STK25: variants seen among roughly 807,000 people sequenced by gnomAD.
STK25 encodes the protein serine/threonine kinase 25.
In STK25, 29 loss-of-function variants were observed where a neutral mutation model predicts 53.8. The ratio of observed to expected loss-of-function variants is 0.54; its 90% CI spans 0.40 to 0.74. STK25 has a LOEUF of 0.74. Among genes scored for constraint, STK25 ranks in the 30% least tolerant of loss-of-function variants. The pLI is 0.00. For synonymous variants in STK25, 247 were observed against 238.3 expected (o/e 1.04, Z -0.33); for missense variants, 420 against 568.0 (o/e 0.74, Z 2.65).
At chr2:241,500,046 T>C (rs1288412672) in intron 5 of STK25, 127 bp downstream of exon 5, 5 of 764,258 alleles carry the variant, frequency 6.5e-6, no homozygotes, top group South Asian at 1.4e-5. Flanking sequence ...AGTTTCAGGG[T>C]GGCCACAAGG....
In STK25 at chr2:241,492,784, A is replaced by C; in HGVS notation, c.*2878T>G. 1 of 590,908 alleles carries C rather than the reference A, an allele frequency of 1.7e-6. No individual in the cohort carries two copies. The highest frequency in any genetic ancestry group is 3.0e-6 in the Non-Finnish European group (1 of 329,270). The allele number at this position is 590,908 out of a possible 1,614,324, so 36.6% of individuals were successfully genotyped here. On this transcript the variant is annotated 3_prime_UTR_variant, in exon 12 of 12. Coordinates refer to ENST00000316586, the MANE Select transcript of STK25 (RefSeq NM_001271977.2). ...CTTCTGTTGGACTTAAGTACTGATA[A>C]AGCTGCTGTTCATAGCAGTCCAGAG...
Position 241,496,621 on chromosome 2 carries a change from A to T in STK25, c.1105-87T>A, listed in dbSNP as rs1046335209. The T allele has an allele frequency of 1.4e-5, 20 of 1,480,162 alleles. No individual in the cohort carries two copies. The highest frequency in any genetic ancestry group is 1.8e-5 in the Non-Finnish European group (20 of 1,092,348). The allele number at this position is 1,480,162 out of a possible 1,614,324, so 91.7% of individuals were successfully genotyped here. ...CTTTGCTCGGCCACAGTGATGCCGG[A>T]GGCCTTCAGGGCTCTCGCCTAGGAG... On this transcript the variant is annotated intron_variant, in intron 10 of 11. Coordinates refer to ENST00000316586, the MANE Select transcript of STK25 (RefSeq NM_001271977.2). The surrounding 1 kb of genome is among the most constrained non-coding windows in gnomAD (Gnocchi z 5.8).
chr2:241,493,213 C>CGTT lies in STK25; in HGVS notation c.*2446_*2448dup. On this transcript the variant is annotated 3_prime_UTR_variant, in exon 12 of 12. Transcript: ENST00000316586. ...GCCCGTGGGCATTTGTACGTGCCACCGTTGTGCAGGTAGCAGAGGAATGGG... is the reference window on the plus strand; with the variant it reads ...GCCCGTGGGCATTTGTACGTGCCACCGTTGTTGTGCAGGTAGCAGAGGAATGGG... 1 of 1,495,406 alleles carries CGTT rather than the reference C, an allele frequency of 6.7e-7. No individual in the cohort carries two copies. The highest frequency in any genetic ancestry group is 2.3e-5 in the East Asian group (1 of 43,996). The allele number at this position is 1,495,406 out of a possible 1,614,324, so 92.6% of individuals were successfully genotyped here.
At chr2:241,503,821 CAAG>C (rs2065656808) in intron 2 of STK25, among the ~76,000 whole-genome samples, 2 of 152,238 alleles carry the variant, frequency 1.3e-5, no homozygotes, top group South Asian at 2.1e-4. Context: ...CCGTGCCCAC[CAAG>C]AAGGATGGGG....
In STK25 at chr2:241,493,597, GT is replaced by G. The variant is rs11320829; in HGVS notation, c.*2064del. ...CATTTCCAAAAAACAGCAATGCTTT[GT>G]TTTTTTTTTTTTTGGAGATGGCGTC... On this transcript the variant is annotated 3_prime_UTR_variant, in exon 12 of 12. Coordinates refer to ENST00000316586, the MANE Select transcript of STK25 (RefSeq NM_001271977.2). 0.27 allele frequency: 147,498 copies of G among 552,292 alleles called. 6,239 individuals carry two copies. Among genetic ancestry groups the G allele is most frequent in the Admixed American group, 0.41 (13,034 of 31,420 alleles). The allele number at this position is 552,292 out of a possible 1,614,324, so 34.2% of individuals were successfully genotyped here.
intron 5 of STK25, chr2:241,499,672 A>G: frequency 3.5e-6 from 2 of 565,082 alleles, no homozygotes; most frequent in South Asian, 4.2e-5. Context: ...TCCCAACGAC[A>G]AGCGACTTCG....
rs1235840097 is a variant in STK25, at chr2:241,508,458, T to C, written c.-116A>G. The C allele has an allele frequency of 1.9e-6, 2 of 1,075,984 alleles. No homozygotes were observed. Among genetic ancestry groups the C allele is most frequent in the Admixed American group, 5.0e-5 (1 of 20,074 alleles). The allele number at this position is 1,075,984 out of a possible 1,614,324, so 66.7% of individuals were successfully genotyped here. Reference sequence around the variant, plus strand: ...GCGCGCCCACCTCCGCGGGGCTCCATCCCGGCCTCCCCCGGCCCGCTCTGC... The same window carrying C: ...GCGCGCCCACCTCCGCGGGGCTCCACCCCGGCCTCCCCCGGCCCGCTCTGC... On this transcript the variant is annotated 5_prime_UTR_variant, in exon 1 of 12. An upstream start codon of the reference 5' UTR is lost. Coordinates refer to ENST00000316586, the MANE Select transcript of STK25 (RefSeq NM_001271977.2).
At chr2:241,505,214 C>T (rs560044173) in intron 2 of STK25, among the ~76,000 whole-genome samples, 194 of 152,198 alleles carry the variant, frequency 1.3e-3, no homozygotes, top group Non-Finnish European at 2.4e-3. Flanking sequence ...GCAGGCCCAA[C>T]GCCACCTTGT....
rs777685308 is a variant in STK25, at chr2:241,500,776, G to A, written c.282C>T (p.Ile94=). The A allele has an allele frequency of 2.5e-6, 4 of 1,613,998 alleles. No homozygotes were observed. Among genetic ancestry groups the A allele is most frequent in the East Asian group, 2.2e-5 (1 of 44,876 alleles). ...CTGAGCCGCCGCCCAGGTACTCCAT[G>A]ATGATCCATAGCTTGGTGCTCTGGG... ...SYLKSTKLWI[I]MEYLGGGSAL... The change falls in exon 4 of 12, where the codon ATC becomes ATT. Residue 94 remains isoleucine, a synonymous_variant. Coordinates refer to ENST00000316586, the MANE Select transcript of STK25 (RefSeq NM_001271977.2).
Position 241,493,847 on chromosome 2 carries a change from T to C in STK25, c.*1815A>G. 3 of 546,014 alleles carry C rather than the reference T, an allele frequency of 5.5e-6. No homozygotes were observed. The highest frequency in any genetic ancestry group is 3.6e-5 in the South Asian group (1 of 27,948). The allele number at this position is 546,014 out of a possible 1,614,324, so 33.8% of individuals were successfully genotyped here. ...CCTGACCTCAAGTGATCCATCTGCC[T>C]CAGCCTCCCAAAGTGCTGGGATTAT... is the stretch of plus-strand genomic sequence containing the variant. On this transcript the variant is annotated 3_prime_UTR_variant, in exon 12 of 12. Transcript: ENST00000316586.
In STK25 at chr2:241,501,500, C is replaced by T. The variant is rs747821996; in HGVS notation, c.239G>A (p.Arg80His). The part of the protein sequence containing the change: ...LSQCDSPYIT[R>H]YFGSYLKSTK... ...CACCTTTAGGTAGGAGCCAAAGTAG[C>T]GGGTGATGTAGGGGCTGTCGCACTG... The change falls in exon 3 of 12, where the codon CGC becomes CAC. Residue 80 changes from arginine (R) to histidine (H), a missense_variant. Arg to His is a conservative substitution (Grantham distance 29, BLOSUM62 0). Coordinates refer to ENST00000316586, the MANE Select transcript of STK25 (RefSeq NM_001271977.2). The surrounding 1 kb of genome is among the most constrained non-coding windows in gnomAD (Gnocchi z 5.3). 6 of 1,613,924 alleles carry T rather than the reference C, an allele frequency of 3.7e-6. No individual in the cohort carries two copies. The highest frequency in any genetic ancestry group is 2.2e-5 in the East Asian group (1 of 44,898).
chr2:241,505,343 C>T (rs905660), intron 2 of STK25, among the ~76,000 whole-genome samples: 53,951 of 151,820 alleles, frequency 0.36, 9,974 homozygotes, highest in Admixed American at 0.51. Flanking sequence ...CCCAAGCACC[C>T]GGAAAGACCC....
intron 2 of STK25, among the ~76,000 whole-genome samples, chr2:241,506,577 G>A (rs1382706004): frequency 6.6e-6 from 1 of 152,180 alleles, no homozygotes; most frequent in Non-Finnish European, 1.5e-5. Flanking sequence ...AGACCAGCCT[G>A]ACCAACATGG....
rs2065238101 is a variant in STK25, at chr2:241,497,393, G to A, written c.1104+223C>T. On this transcript the variant is annotated intron_variant, in intron 10 of 11. Transcript: ENST00000316586. ...TGTGTTTGCACCTGAAGAAAAAAAA[G>A]TCACCCTAGGAACCCAGAGAACCTT... 3 of 542,204 alleles carry A rather than the reference G, an allele frequency of 5.5e-6. No homozygotes were observed. The East Asian group carries it at 9.0e-5, about 16-fold the overall frequency. The allele number at this position is 542,204 out of a possible 1,614,324, so 33.6% of individuals were successfully genotyped here. A position where few individuals can be genotyped will look rare whatever the true frequency, so the allele number is the denominator to read the frequency against.
chr2:241,507,592 C>G (rs2065915161), intron 2 of STK25, among the ~76,000 whole-genome samples: 1 of 152,232 alleles, frequency 6.6e-6, no homozygotes, highest in African/African-American at 2.4e-5. Flanking sequence ...CAGCCCCTGC[C>G]CAGCCCAACA....
Position 241,501,326 on chromosome 2 carries a change from T to C in STK25, c.261+152A>G. 1.3e-6 allele frequency: 1 copy of C among 764,558 alleles called. No individual in the cohort carries two copies. Among genetic ancestry groups the C allele is most frequent in the Non-Finnish European group, 2.2e-6 (1 of 449,486 alleles). The allele number at this position is 764,558 out of a possible 1,614,324, so 47.4% of individuals were successfully genotyped here. On this transcript the variant is annotated intron_variant, in intron 3 of 11. Transcript: ENST00000316586. This position sits in a 1 kb window ranked among gnomAD's most constrained non-coding sequence, Gnocchi z 5.3. The stretch of plus-strand genomic sequence containing the variant: ...CCAACTGACCCTCGTGGACGAGGGC[T>C]CACACCCTGCCTGCCCAGGGCAGTT...
Position 241,501,752 on chromosome 2 carries a change from CAA to C in STK25, c.31-46_31-45del. 6.6e-7 allele frequency: 1 copy of C among 1,522,240 alleles called. No homozygotes were observed. The highest frequency in any genetic ancestry group is 9.0e-7 in the Non-Finnish European group (1 of 1,107,280). The allele number at this position is 1,522,240 out of a possible 1,614,324, so 94.3% of individuals were successfully genotyped here. On this transcript the variant is annotated intron_variant, in intron 2 of 11. Coordinates refer to ENST00000316586, the MANE Select transcript of STK25 (RefSeq NM_001271977.2). The surrounding 1 kb of genome is among the most constrained non-coding windows in gnomAD (Gnocchi z 5.3). ...GACAGAGGGCAGACAGCGCCGGTCA[CAA>C]GAGGCGGGGGACAGGCAGAGGCTGC...
Position 241,493,726 on chromosome 2 carries a change from CTG to C in STK25, c.*1934_*1935del, listed in dbSNP as rs2065020651. The C allele has an allele frequency of 3.9e-6, 2 of 516,248 alleles. No individual in the cohort carries two copies. Among genetic ancestry groups the C allele is most frequent in the Non-Finnish European group, 6.9e-6 (2 of 289,516 alleles). The allele number at this position is 516,248 out of a possible 1,614,324, so 32.0% of individuals were successfully genotyped here. A position where few individuals can be genotyped will look rare whatever the true frequency, so the allele number is the denominator to read the frequency against. ...TCTTCTGCCTCAGCCTCCTGAGTAA[CTG>C]AGATTACAGGCATGCACGCCACGCC... On this transcript the variant is annotated 3_prime_UTR_variant, in exon 12 of 12. Coordinates refer to ENST00000316586, the MANE Select transcript of STK25 (RefSeq NM_001271977.2).
chr2:241,505,145 G>A (rs889862632), intron 2 of STK25, among the ~76,000 whole-genome samples: 3 of 150,612 alleles, frequency 2.0e-5, no homozygotes, highest in Admixed American at 6.6e-5. Flanking sequence ...GGCTAGTCTC[G>A]AACTCCTGAC....
Sources: allele counts gnomAD v4.1 joint callset (sites outside exome capture counted in the v4.1 genomes callset), GRCh38; gene constraint gnomAD v4.1.1; non-coding constraint Gnocchi (gnomAD v3.1); transcripts MANE v1.5; gene names NCBI Gene and HGNC (gene_info 2026-07-23, HGNC 2026-07-21).